The following NADSYN1 variants were observed in gnomAD, a reference collection of about 807,000 sequenced individuals.
The protein encoded by NADSYN1 is NAD synthetase 1, also known as glutamine-dependent NAD(+) synthetase.
In NADSYN1, 80 loss-of-function variants were observed where a neutral mutation model predicts 99.3. The observed-to-expected ratio is 0.81, with a 90% CI of 0.67 to 0.97. The LOEUF is 0.97. Ranked by LOEUF, NADSYN1 falls within the 50% of genes least tolerant of loss-of-function variation. The probability of loss-of-function intolerance (pLI) is 0.00; values close to 1 mark genes in which losing one functional copy is unlikely to be tolerated. For synonymous variants in NADSYN1, 385 were observed against 372.1 expected, an observed-to-expected ratio of 1.03 and a Z score of -0.40; for missense variants, 859 against 948.5, an observed-to-expected ratio of 0.91 and a Z score of 1.24.
At chr11:71,490,468 C>G (rs1468055222) in intron 16 of NADSYN1, among the ~76,000 whole-genome samples, 2 of 152,196 alleles carry the variant, frequency 1.3e-5, no homozygotes, top group East Asian at 3.9e-4. Flanking sequence ...CCACAGGCCT[C>G]AGAGTTGACA....
In NADSYN1 at chr11:71,481,919, C is replaced by A. The variant is rs1307333857; in HGVS notation, c.1048-4C>A. On this transcript the variant is annotated splice_region_variant and splice_polypyrimidine_tract_variant and intron_variant, in intron 12 of 20. Coordinates refer to ENST00000319023, the MANE Select transcript of NADSYN1 (RefSeq NM_018161.5). The stretch of plus-strand genomic sequence containing the variant: ...GCTCACGCTGTCTGATTGGTCCATT[C>A]CAGGCAGGGTTTTTGCTGCCCTTGA... 6.2e-7 allele frequency: 1 copy of A among 1,612,512 alleles called. No individual in the cohort carries two copies. Among genetic ancestry groups the A allele is most frequent in the Admixed American group, 1.7e-5 (1 of 59,874 alleles).
At position 71,453,337 on chromosome 11, in the gene NADSYN1, A is replaced by C. The variant is rs1949492137; in HGVS notation, c.41A>C (p.Gln14Pro). 1 of 1,613,906 alleles carries C rather than the reference A, an allele frequency of 6.2e-7. No homozygotes were observed. Among genetic ancestry groups the C allele is most frequent in the African/African-American group, 1.3e-5 (1 of 75,036 alleles). Residue 14 changes from glutamine to proline, a missense_variant, in exon 1 of 21, where the codon CAG (glutamine) becomes CCG (proline). Transcript: ENST00000319023. ...KVTVATCALN[Q>P]WALDFEGNLQ... ...ACCGTGGCCACCTGCGCACTCAACCAGTGGGCCCTGGACTTCGAGGGCAAT... is the reference window on the plus strand; with the variant it reads ...ACCGTGGCCACCTGCGCACTCAACCCGTGGGCCCTGGACTTCGAGGGCAAT...
In NADSYN1 at chr11:71,495,462, C is replaced by T. The variant is rs58878631; in HGVS notation, c.1765-2021C>T. On this transcript the variant is annotated intron_variant, in intron 18 of 20. Coordinates refer to ENST00000319023, the MANE Select transcript of NADSYN1 (RefSeq NM_018161.5). ...AGATGGTCTGACCTGGGAAGCGTCC[C>T]GTGTGCCCTTGGGAGGAAGGTGGGT... 2.6e-3 allele frequency among the ~76,000 whole-genome samples: 390 copies of T among 152,302 alleles called. 10 individuals carry two copies. The East Asian group carries it at 0.06, about 23-fold the overall frequency.
At chr11:71,486,173 T>C (rs1949741557) in intron 16 of NADSYN1, among the ~76,000 whole-genome samples, 1 of 152,232 alleles carries the variant, frequency 6.6e-6, no homozygotes, top group South Asian at 2.1e-4. Flanking sequence ...CCACTTCCCT[T>C]AGGTGAGCCT....
rs1328046311 is a variant in NADSYN1, at chr11:71,478,456, C to T, written c.860C>T (p.Ser287Phe). The T allele has an allele frequency of 3.7e-6, 6 of 1,606,632 alleles. No homozygotes were observed. Among genetic ancestry groups the T allele is most frequent in the South Asian group, 1.1e-5 (1 of 89,298 alleles). Residue 287 changes from serine (S) to phenylalanine (F), a missense_variant, in exon 10 of 21, where the codon TCT (serine) becomes TTT (phenylalanine). Transcript: ENST00000319023. ...CGGAGCTACAGGGCGGAGATTTCATCTCGAAACCTGGCGGTGAGTGCTCCA... is the reference window on the plus strand; with the variant it reads ...CGGAGCTACAGGGCGGAGATTTCATTTCGAAACCTGGCGGTGAGTGCTCCA... ...DVRSYRAEIS[S>F]RNLAASRASP... is the part of the protein sequence containing the mutation.
chr11:71,466,893 C>G (rs1389862489), intron 5 of NADSYN1: 1 of 152,150 alleles, frequency 6.6e-6, no homozygotes. Context: ...ACCCTGGGCG[C>G]AAAGCTGGCT....
At chr11:71,491,189 G>A (rs1949776538) in intron 17 of NADSYN1, among the ~76,000 whole-genome samples, 2 of 152,226 alleles carry the variant, frequency 1.3e-5, no homozygotes, top group Non-Finnish European at 2.9e-5. Context: ...TCACGGAGCT[G>A]TGGCCTCCTG....
At position 71,476,571 on chromosome 11, in the gene NADSYN1, G is replaced by A. The variant is rs143845034; in HGVS notation, c.799-1824G>A. On this transcript the variant is annotated intron_variant, in intron 9 of 20. Transcript: ENST00000319023. ...GTTTCTTGCACGGGGGCAGGCAAGGGTGTGGCCGTCTCGACTCCAGGCCCT... is the reference window on the plus strand; with the variant it reads ...GTTTCTTGCACGGGGGCAGGCAAGGATGTGGCCGTCTCGACTCCAGGCCCT... The A allele has an allele frequency of 6.6e-4, 515 of 786,248 alleles. 3 individuals are homozygous for A. In the African/African-American group the frequency reaches 8.8e-3, roughly 13 times the overall value. 48.7% of individuals were successfully genotyped at this position (786,248 alleles called of 1,614,324 possible). A position where few individuals can be genotyped will look rare whatever the true frequency, so the allele number is the denominator to read the frequency against.
At chr11:71,491,754 A>T in intron 17 of NADSYN1, 80 bp from the exon 18 acceptor site, 5 of 1,356,312 alleles carry the variant, frequency 3.7e-6, no homozygotes, top group Non-Finnish European at 5.2e-6. Context: ...TACTCGGGAA[A>T]CTTAGTCTGG....
chr11:71,499,616 A>G (rs976935930), intron 20 of NADSYN1: 11 of 152,156 alleles, frequency 7.2e-5, no homozygotes, highest in African/African-American at 1.7e-4. Flanking sequence ...GGACAATACA[A>G]TCAATGAAAA....
chr11:71,459,853 T>C (rs984883938), intron 3 of NADSYN1: 2 of 152,326 alleles, frequency 1.3e-5, no homozygotes, highest in African/African-American at 4.8e-5. Context: ...TGATGCTAAT[T>C]GGTCCTGTGG....
chr11:71,497,433 C>T (rs1179994736), intron 18 of NADSYN1, 50 bp from the exon 19 acceptor site: 2 of 1,611,942 alleles, frequency 1.2e-6, no homozygotes, highest in African/African-American at 2.7e-5. Context: ...TTAGGCTCTC[C>T]CCCCGCTGTG....
Position 71,481,963 on chromosome 11 carries a change from C to T in NADSYN1, c.1088C>T (p.Ala363Val), listed in dbSNP as rs746448347. Residue 363 changes from alanine (A) to valine (V), a missense_variant, in exon 13 of 21, where the codon GCA (alanine) becomes GTA (valine). By Grantham distance (64) the Ala-to-Val change is moderately conservative (BLOSUM62 0). Transcript: ENST00000319023. ...LLPLSGGVDSAATACLIYSMC... is the reference protein window; with the variant it reads ...LLPLSGGVDSVATACLIYSMC... ...CCCTTGAGTGGCGGGGTGGACAGCG[C>T]AGCCACCGCCTGCCTCATCTACTCC... 1.2e-5 allele frequency: 20 copies of T among 1,607,382 alleles called. No homozygotes were observed. Among genetic ancestry groups the T allele is most frequent in the African/African-American group, 2.7e-5 (2 of 74,756 alleles).
chr11:71,486,191 T>TC (rs950272207), intron 16 of NADSYN1, among the ~76,000 whole-genome samples: 2 of 152,216 alleles, frequency 1.3e-5, no homozygotes, highest in Admixed American at 6.5e-5. Flanking sequence ...CCTCTATCCC[T>TC]CTCAGCTCGT....
At chr11:71,463,376 G>A (rs1007392527) in intron 3 of NADSYN1, 56 bp from the exon 4 acceptor site, 1 of 1,491,216 alleles carries the variant, frequency 6.7e-7, no homozygotes, top group Non-Finnish European at 9.4e-7. Context: ...CTGCCTCCAT[G>A]TGCTCTGTGT....
chr11:71,469,266 C>T (rs914027753), intron 5 of NADSYN1, among the ~76,000 whole-genome samples: 6 of 152,130 alleles, frequency 3.9e-5, no homozygotes, highest in African/African-American at 7.2e-5. Context: ...CTCAGAAGTT[C>T]GAGACCAGCC....
At chr11:71,458,644 A>G (rs1340821304) in intron 3 of NADSYN1, 100 bp downstream of exon 3, 7 of 845,806 alleles carry the variant, frequency 8.3e-6, no homozygotes, top group Non-Finnish European at 1.4e-5. Context: ...TGGAACATCC[A>G]TGTGTCCAGG....
intron 17 of NADSYN1, 78 bp downstream of exon 17, chr11:71,491,054 C>T: frequency 6.3e-7 from 1 of 1,578,172 alleles, no homozygotes; most frequent in South Asian, 1.1e-5. Context: ...CTGGCCCACA[C>T]TCAGGCTCCT....
chr11:71,476,467 G>A (rs1380246101), intron 9 of NADSYN1: 3 of 186,712 alleles, frequency 1.6e-5, no homozygotes, highest in Non-Finnish European at 3.2e-5. Flanking sequence ...CAGCACGGAG[G>A]CGGTTACAAA....
Sources: allele counts gnomAD v4.1 joint callset (sites outside exome capture counted in the v4.1 genomes callset), GRCh38; gene constraint gnomAD v4.1.1; transcripts MANE v1.5; gene names NCBI Gene and HGNC (gene_info 2026-07-23, HGNC 2026-07-21).